Variants in MON1A observed in about 807,000 individuals in gnomAD.
MON1A encodes vacuolar fusion protein MON1 homolog A.
In MON1A, 29 loss-of-function variants were observed where a neutral mutation model predicts 44.6. The observed-to-expected ratio is 0.65, with a 90% CI of 0.48 to 0.89. MON1A has a LOEUF of 0.89. MON1A is among the 40% of genes least tolerant of loss of function. The pLI, the probability that MON1A is intolerant of heterozygous loss-of-function variation, is 0.00. For missense variants in MON1A, 615 were observed against 759.6 expected (o/e 0.81, Z 2.24); for synonymous variants, 275 against 316.4 (o/e 0.87, Z 1.39).
chr3:49,923,514 G>A (rs1300771939), intron 1 of MON1A, among the ~76,000 whole-genome samples: 1 of 150,162 alleles, frequency 6.7e-6, no homozygotes, highest in African/African-American at 2.4e-5. Flanking sequence ...GCCTAGGCTG[G>A]AGTGCAACAG....
chr3:49,910,141 T>G lies in MON1A; in HGVS notation c.1357A>C (p.Lys453Gln), dbSNP rs1267367794. 1 of 1,602,968 alleles carries G rather than the reference T, an allele frequency of 6.2e-7. No homozygotes were observed. Among genetic ancestry groups the G allele is most frequent in the Non-Finnish European group, 8.5e-7 (1 of 1,171,638 alleles). The change falls in exon 4 of 6, where the codon AAG becomes CAG. Residue 453 changes from lysine (K) to glutamine (Q), a missense_variant. Physicochemically the swap from Lys to Gln is moderately conservative, Grantham distance 53. Coordinates refer to ENST00000296473, the MANE Select transcript of MON1A (RefSeq NM_032355.4). The surrounding 1 kb of genome is among the most constrained non-coding windows in gnomAD (Gnocchi z 8.0). ...PDLRHFLYKS[K>Q]SSGLFTSPEI... ...CACCTGGTGAAGAGTCCCGAGCTCTTTGACTTATAGAGGAAGTGACGCAGG... is the reference window on the plus strand; with the variant it reads ...CACCTGGTGAAGAGTCCCGAGCTCTGTGACTTATAGAGGAAGTGACGCAGG...
rs1293463993 is a variant in MON1A, at chr3:49,912,030, G to A, written c.128-19C>T. On this transcript the variant is annotated intron_variant, in intron 2 of 5. Transcript: ENST00000296473. ...CCCGCACCTGCAGGCCAAAAGCACT[G>A]GTGCTTAGAGGGGTAGCTAGTGGCA... is the stretch of plus-strand genomic sequence containing the variant. 1.3e-6 allele frequency: 2 copies of A among 1,542,992 alleles called. No individual in the cohort carries two copies. The highest frequency in any genetic ancestry group is 1.3e-5 in the South Asian group (1 of 79,542).
chr3:49,909,174 T>A lies in MON1A; in HGVS notation c.1528-20A>T, dbSNP rs1391196025. ...TGTCACCTGGAGAAGGGGCAAAGGG[T>A]CGTCATCTAGGTTAGAGGCCCCTCA... On this transcript the variant is annotated intron_variant, in intron 5 of 5. Transcript: ENST00000296473. This position sits in a 1 kb window ranked among gnomAD's most constrained non-coding sequence, Gnocchi z 4.0. 3 of 1,609,498 alleles carry A rather than the reference T, an allele frequency of 1.9e-6. No homozygotes were observed. Among genetic ancestry groups the A allele is most frequent in the Admixed American group, 1.7e-5 (1 of 59,646 alleles).
intron 1 of MON1A, among the ~76,000 whole-genome samples, chr3:49,917,420 G>A (rs890677411): frequency 6.6e-6 from 1 of 152,104 alleles, no homozygotes; most frequent in Non-Finnish European, 1.5e-5. Context: ...CGAGTAGCTG[G>A]GACTATAGGC....
In MON1A at chr3:49,910,365, A is replaced by G; in HGVS notation, c.1133T>C (p.Phe378Ser). The G allele has an allele frequency of 6.2e-7, 1 of 1,614,224 alleles. No individual in the cohort carries two copies. Among genetic ancestry groups the G allele is most frequent in the South Asian group, 1.1e-5 (1 of 91,090 alleles). The change falls in exon 4 of 6, where the codon TTC (phenylalanine) becomes TCC (serine). Residue 378 changes from phenylalanine to serine, a missense_variant. Coordinates refer to ENST00000296473, the MANE Select transcript of MON1A (RefSeq NM_032355.4). This position sits in a 1 kb window ranked among gnomAD's most constrained non-coding sequence, Gnocchi z 8.0. ...CLPKFNAAGF[F>S]HAHISYLEPD... Reference sequence around the variant, plus strand: ...CTCTAGGTAAGAGATGTGTGCGTGGAAGAAGCCGGCTGCGTTGAATTTGGG... The same window carrying G: ...CTCTAGGTAAGAGATGTGTGCGTGGGAGAAGCCGGCTGCGTTGAATTTGGG...
rs1575468454 is a variant in MON1A at position 49,909,735 on chromosome 3, A to G, written c.1380-335T>C. 8.6e-6 allele frequency: 3 copies of G among 347,550 alleles called. No homozygotes were observed. The highest frequency in any genetic ancestry group is 5.1e-5 in the East Asian group (1 of 19,608). 21.5% of individuals were successfully genotyped at this position (347,550 alleles called of 1,614,324 possible). ...TGAGCTAGGAATCCTGTGGGCCAAA[A>G]GGGACAAAGGGAGGCCATATCTTCC... On this transcript the variant is annotated intron_variant, in intron 4 of 5. Coordinates refer to ENST00000296473, the MANE Select transcript of MON1A (RefSeq NM_032355.4). The surrounding 1 kb of genome is among the most constrained non-coding windows in gnomAD (Gnocchi z 4.0).
In MON1A at chr3:49,911,684, C is replaced by T. The variant is rs764383245; in HGVS notation, c.455G>A (p.Arg152His). ...GDEEDATEAWRLHQKHVFVLS... is the reference protein window; with the variant it reads ...GDEEDATEAWHLHQKHVFVLS... ...CACAAAGACATGCTTCTGGTGCAGG[C>T]GCCATGCCTCCGTGGCATCCTCCTC... Residue 152 changes from arginine to histidine, a missense_variant, in exon 3 of 6, where the codon CGC becomes CAC. Transcript: ENST00000296473. This position sits in a 1 kb window ranked among gnomAD's most constrained non-coding sequence, Gnocchi z 5.7. 14 of 1,614,038 alleles carry T rather than the reference C, an allele frequency of 8.7e-6. No individual in the cohort carries two copies. The highest frequency in any genetic ancestry group is 4.5e-5 in the East Asian group (2 of 44,900).
Position 49,910,017 on chromosome 3 carries a change from G to A in MON1A, c.1379+102C>T, listed in dbSNP as rs2082854787. ...GCACACTGGTCTGCTTCCAAAGGTAGGGACAGCTTCAGGGCTACATCTCAG... is the reference window on the plus strand; with the variant it reads ...GCACACTGGTCTGCTTCCAAAGGTAAGGACAGCTTCAGGGCTACATCTCAG... On this transcript the variant is annotated intron_variant, in intron 4 of 5. Coordinates refer to ENST00000296473, the MANE Select transcript of MON1A (RefSeq NM_032355.4). The surrounding 1 kb of genome is among the most constrained non-coding windows in gnomAD (Gnocchi z 8.0). The A allele has an allele frequency of 1.5e-6, 2 of 1,339,306 alleles. No homozygotes were observed. The highest frequency in any genetic ancestry group is 2.0e-6 in the Non-Finnish European group (2 of 976,366). 83.0% of individuals were successfully genotyped at this position (1,339,306 alleles called of 1,614,324 possible). A position where few individuals can be genotyped will look rare whatever the true frequency, so the allele number is the denominator to read the frequency against.
chr3:49,911,195 TAGA>T lies in MON1A; in HGVS notation c.614-314_614-312del. On this transcript the variant is annotated intron_variant, in intron 3 of 5. Transcript: ENST00000296473. This position sits in a 1 kb window ranked among gnomAD's most constrained non-coding sequence, Gnocchi z 5.7. Reference sequence around the variant, plus strand: ...GGACCTGGGAGATAGATAGATTAGATAGATAGATAGATAGATAGATAGATAGAT... The same window carrying T: ...GGACCTGGGAGATAGATAGATTAGATTAGATAGATAGATAGATAGATAGAT... Among the ~76,000 whole-genome samples the T allele has an allele frequency of 1.8e-4, 7 of 38,698 alleles. No homozygotes were observed. Among genetic ancestry groups the T allele is most frequent in the African/African-American group, 6.9e-4 (7 of 10,218 alleles). The allele number at this position is 38,698 out of a possible 152,430, so 25.4% of individuals were successfully genotyped here.
Position 49,910,551 on chromosome 3 carries a change from C to T in MON1A, c.947G>A (p.Arg316His), listed in dbSNP as rs1193820663. The part of the protein sequence containing the change: ...VSASLQQARA[R>H]SLVFSILLAR... ...CAGCAGGATGGAGAAGACCAGGCTG[C>T]GCGCACGCGCCTGCTGCAGGCTGGC... Residue 316 changes from arginine (R) to histidine (H), a missense_variant, in exon 4 of 6, where the codon CGC (arginine) becomes CAC (histidine). By Grantham distance (29) the Arg-to-His change is conservative (BLOSUM62 0). Coordinates refer to ENST00000296473, the MANE Select transcript of MON1A (RefSeq NM_032355.4). This position sits in a 1 kb window ranked among gnomAD's most constrained non-coding sequence, Gnocchi z 8.0. 6 of 1,612,514 alleles carry T rather than the reference C, an allele frequency of 3.7e-6. No homozygotes were observed. The highest frequency in any genetic ancestry group is 5.1e-6 in the Non-Finnish European group (6 of 1,179,248).
chr3:49,921,220 C>T (rs1016127920), intron 1 of MON1A, among the ~76,000 whole-genome samples: 1 of 151,114 alleles, frequency 6.6e-6, no homozygotes, highest in South Asian at 2.1e-4. Flanking sequence ...TGCAGTGGCG[C>T]GATCTCAGCT....
chr3:49,909,366 C>T lies in MON1A; in HGVS notation c.1414G>A (p.Glu472Lys). 6.2e-7 allele frequency: 1 copy of T among 1,614,076 alleles called. No individual in the cohort carries two copies. The highest frequency in any genetic ancestry group is 8.5e-7 in the Non-Finnish European group (1 of 1,179,994). Residue 472 changes from glutamate to lysine, a missense_variant, in exon 5 of 6, where the codon GAG becomes AAG. By Grantham distance (56) the Glu-to-Lys change is moderately conservative. Coordinates refer to ENST00000296473, the MANE Select transcript of MON1A (RefSeq NM_032355.4). The surrounding 1 kb of genome is among the most constrained non-coding windows in gnomAD (Gnocchi z 4.0). ...EIEAPYTSEEEQERLLGLYQY... is the reference protein window; with the variant it reads ...EIEAPYTSEEKQERLLGLYQY... ...TAGAGGCCCAGCAGCCGCTCCTGCT[C>T]CTCTTCACTGGTGTATGGGGCCTCA...
intron 1 of MON1A, among the ~76,000 whole-genome samples, chr3:49,927,543 T>C (rs1311291722): frequency 2.6e-5 from 4 of 152,126 alleles, no homozygotes; most frequent in African/African-American, 9.7e-5. Flanking sequence ...GCTTCTGACC[T>C]TGCAAAGCCA....
Position 49,929,763 on chromosome 3 carries a change from G to A in MON1A, c.-168C>T. The A allele has an allele frequency of 6.5e-7, 1 of 1,549,408 alleles. No homozygotes were observed. Among genetic ancestry groups the A allele is most frequent in the Non-Finnish European group, 8.7e-7 (1 of 1,146,686 alleles). On this transcript the variant is annotated 5_prime_UTR_variant, in exon 1 of 6. Coordinates refer to ENST00000296473, the MANE Select transcript of MON1A (RefSeq NM_032355.4). Reference sequence around the variant, plus strand: ...CGTACACAGACATGGCCACAGCGCAGGCACCGCTCCCTCCCACCGCCCTCA... The same window carrying A: ...CGTACACAGACATGGCCACAGCGCAAGCACCGCTCCCTCCCACCGCCCTCA...
intron 1 of MON1A, chr3:49,924,679 T>TA: frequency 6.2e-6 from 1 of 161,892 alleles, no homozygotes; most frequent in Non-Finnish European, 1.4e-5. Flanking sequence ...AGACCCTGTC[T>TA]CAAAAAAAAA....
At chr3:49,912,719 C>T (rs2108531956) in intron 2 of MON1A, 1 of 253,824 alleles carries the variant, frequency 3.9e-6, no homozygotes, top group South Asian at 4.5e-5. Context: ...GGTCAGTCTT[C>T]CTTTATTGAT....
chr3:49,916,429 G>C (rs995136254), intron 1 of MON1A: 2 of 152,108 alleles, frequency 1.3e-5, no homozygotes. Context: ...TTCTTTAATT[G>C]AATCTTTTGC....
intron 1 of MON1A, chr3:49,929,340 CG>C: frequency 2.1e-6 from 1 of 478,166 alleles, no homozygotes. Context: ...GTTGGCGGGG[CG>C]GGGGTGGGGG....
At chr3:49,929,516 T>G (rs1007486308) in intron 1 of MON1A, 93 bp downstream of exon 1, 18 of 1,411,054 alleles carry the variant, frequency 1.3e-5, no homozygotes, top group Non-Finnish European at 1.6e-5. Flanking sequence ...CGTTGATGGC[T>G]GGAGGCCCCC....
Sources: allele counts gnomAD v4.1 joint callset (sites outside exome capture counted in the v4.1 genomes callset), GRCh38; gene constraint gnomAD v4.1.1; non-coding constraint Gnocchi (gnomAD v3.1); transcripts MANE v1.5; gene names NCBI Gene and HGNC (gene_info 2026-07-23, HGNC 2026-07-21).